Variants in TAT observed in about 807,000 individuals in gnomAD.
TAT encodes L-tyrosine:2-oxoglutarate aminotransferase.
A neutral mutation model predicts 53.6 loss-of-function variants in TAT; 35 were observed. The observed-to-expected ratio is 0.65, with a 90% CI of 0.50 to 0.87. The LOEUF is 0.87. Ranked by LOEUF, TAT falls within the 40% of genes least tolerant of loss-of-function variation. TAT has a pLI of 0.00. For missense variants in TAT, 525 were observed against 571.8 expected (o/e 0.92, Z 0.83); for synonymous variants, 197 against 206.5 (o/e 0.95, Z 0.39).
intron 3 of TAT, chr16:71,575,555 A>G (rs1367973440): frequency 2.8e-6 from 1 of 355,310 alleles, no homozygotes; most frequent in East Asian, 7.0e-5. Flanking sequence ...CTATATACAC[A>G]GAGCAATAAG....
rs2044166119 is a variant in TAT at position 71,566,850 on chromosome 16, T to C, written c.*1294A>G. ...AAAAAAACACATCACAGAAGAGCCA[T>C]ACTTGGTGAAATTTATTAAAAAAAA... On this transcript the variant is annotated 3_prime_UTR_variant, in exon 12 of 12. Coordinates refer to ENST00000355962, the MANE Select transcript of TAT (RefSeq NM_000353.3). 1 of 150,476 alleles carries C rather than the reference T, an allele frequency of 6.6e-6. No homozygotes were observed. The highest frequency in any genetic ancestry group is 6.6e-5 in the Admixed American group (1 of 15,104). 9.3% of individuals were successfully genotyped at this position (150,476 alleles called of 1,614,324 possible). A position where few individuals can be genotyped will look rare whatever the true frequency, so the allele number is the denominator to read the frequency against.
chr16:71,568,372 G>A (rs2044178650), intron 11 of TAT, 88 bp from the exon 12 acceptor site: 1 of 1,366,320 alleles, frequency 7.3e-7, no homozygotes, highest in Admixed American at 1.8e-5. Context: ...TCCACAAGAA[G>A]TGGTACCATT....
intron 3 of TAT, 121 bp downstream of exon 3, chr16:71,575,801 T>C: frequency 1.8e-6 from 2 of 1,091,040 alleles, no homozygotes; most frequent in South Asian, 2.5e-5. Context: ...CCATGTAATC[T>C]TAGCCTCTCC....
At chr16:71,571,311 T>C (rs764317636) in intron 7 of TAT, among the ~76,000 whole-genome samples, 32 of 152,150 alleles carry the variant, frequency 2.1e-4, no homozygotes, top group Non-Finnish European at 4.0e-4. Context: ...TCTGCCATTT[T>C]CCCCACACTC....
chr16:71,570,447 C>T (rs921969192), intron 8 of TAT, 50 bp from the exon 9 acceptor site: 4 of 1,614,104 alleles, frequency 2.5e-6, no homozygotes, highest in Non-Finnish European at 3.4e-6. Flanking sequence ...TTAAGCATCT[C>T]TGTCTTAGAG....
At position 71,572,651 on chromosome 16, in the gene TAT, T is replaced by G. The variant is rs942576264; in HGVS notation, c.446A>C (p.Asp149Ala). 4 of 1,613,940 alleles carry G rather than the reference T, an allele frequency of 2.5e-6. No individual in the cohort carries two copies. The highest frequency in any genetic ancestry group is 2.5e-6 in the Non-Finnish European group (3 of 1,180,020). Residue 149 changes from aspartate (D) to alanine (A), a missense_variant, in exon 5 of 12, where the codon GAC becomes GCC. Coordinates refer to ENST00000355962, the MANE Select transcript of TAT (RefSeq NM_000353.3). ...ILTSGCSQAI[D>A]LCLAVLANPG... ...GTTGGCCAACACAGCTAAACAAAGG[T>G]CAATAGCTTGGCTGCAGCCACTTGT...
Position 71,572,523 on chromosome 16 carries a change from C to A in TAT, c.567+7G>T. On this transcript the variant is annotated splice_region_variant and intron_variant, in intron 5 of 11. Transcript: ENST00000355962. The stretch of plus-strand genomic sequence containing the variant: ...GCATTTGAGTCTAAGATTAAAAAGT[C>A]ATTTACCAACAAATTGTAGAGTTTG... The A allele has an allele frequency of 6.2e-7, 1 of 1,614,142 alleles. No homozygotes were observed. The highest frequency in any genetic ancestry group is 8.5e-7 in the Non-Finnish European group (1 of 1,180,026).
At chr16:71,571,841 T>C (rs970690277) in intron 6 of TAT, among the ~76,000 whole-genome samples, 183 bp from the exon 7 acceptor site, 1 of 152,258 alleles carries the variant, frequency 6.6e-6, no homozygotes, top group Non-Finnish European at 1.5e-5. Context: ...TCTTCCTATT[T>C]AAGAACTGTA....
At chr16:71,571,457 G>C in intron 7 of TAT, 149 bp downstream of exon 7, 1 of 701,064 alleles carries the variant, frequency 1.4e-6, no homozygotes, top group Non-Finnish European at 2.4e-6. Context: ...ACTGGCTAAG[G>C]AGTTGTGGGT....
chr16:71,567,747 T>TAG lies in TAT; in HGVS notation c.*395_*396dup, dbSNP rs146280073. The TAG allele has an allele frequency of 0.021, 6,348 of 308,026 alleles. 391 individuals are homozygous for TAG. The highest frequency in any genetic ancestry group is 0.13 in the African/African-American group (5,915 of 46,116). The allele number at this position is 308,026 out of a possible 1,614,324, so 19.1% of individuals were successfully genotyped here. ...TGCCTGGAGAGAGCGTGTTCTTTCTTAGAGTCTGAGGAAATGGTTGGGGGC... is the reference window on the plus strand; with the variant it reads ...TGCCTGGAGAGAGCGTGTTCTTTCTTAGAGAGTCTGAGGAAATGGTTGGGGGC... On this transcript the variant is annotated 3_prime_UTR_variant, in exon 12 of 12. Coordinates refer to ENST00000355962, the MANE Select transcript of TAT (RefSeq NM_000353.3).
chr16:71,567,925 C>T lies in TAT; in HGVS notation c.*219G>A, dbSNP rs183020305. 3.4e-4 allele frequency: 201 copies of T among 595,796 alleles called. No homozygotes were observed. The East Asian group carries it at 5.3e-3, about 16-fold the overall frequency. 36.9% of individuals were successfully genotyped at this position (595,796 alleles called of 1,614,324 possible). On this transcript the variant is annotated 3_prime_UTR_variant, in exon 12 of 12. Transcript: ENST00000355962. ...GGCAGATTAATGAATTAGTGAGTCA[C>T]TCTAGCAGCGCAGAGCAAGGGAGAA... is the stretch of plus-strand genomic sequence containing the variant.
rs2044196866 is a variant in TAT at position 71,570,687 on chromosome 16, C to A, written c.904G>T (p.Gly302Cys). 1.2e-6 allele frequency: 2 copies of A among 1,614,040 alleles called. No individual in the cohort carries two copies. Among genetic ancestry groups the A allele is most frequent in the South Asian group, 2.2e-5 (2 of 91,084 alleles). ...TTTCACCATATTATCACCTCATTGCCAAAAATGTCTCTTCGGTCATGAATG... is the reference window on the plus strand; with the variant it reads ...TTTCACCATATTATCACCTCATTGCAAAAAATGTCTCTTCGGTCATGAATG... ...ILIHDRRDIF[G>C]NEIRDGLVKL... The change falls in exon 8 of 12, where the codon GGC becomes TGC. Residue 302 changes from glycine (G) to cysteine (C), a missense_variant. By Grantham distance (159) the Gly-to-Cys change is radical. Coordinates refer to ENST00000355962, the MANE Select transcript of TAT (RefSeq NM_000353.3).
intron 1 of TAT, among the ~76,000 whole-genome samples, 166 bp from the exon 2 acceptor site, chr16:71,576,593 G>A (rs1384144027): frequency 2.0e-5 from 3 of 152,026 alleles, no homozygotes; most frequent in Non-Finnish European, 2.9e-5. Flanking sequence ...ACTATGAATG[G>A]GGGAGTTTTA....
chr16:71,575,825 A>T, intron 3 of TAT, 97 bp downstream of exon 3: 1 of 1,240,438 alleles, frequency 8.1e-7, no homozygotes, highest in South Asian at 1.2e-5. Flanking sequence ...GGAATTGTGC[A>T]TCAGGAAAGT....
intron 3 of TAT, among the ~76,000 whole-genome samples, chr16:71,574,551 G>A (rs1257343130): frequency 4.6e-5 from 6 of 129,620 alleles, no homozygotes; most frequent in Non-Finnish European, 9.3e-5. Context: ...ACTGCACTCC[G>A]CCTGGGCAAC....
Position 71,568,102 on chromosome 16 carries a change from C to G in TAT, c.*42G>C. ...GAGGAGCCGCAAGGCCTAGTCCAGCCTTCCCTAGATGGGACACATCCTCAG... is the reference window on the plus strand; with the variant it reads ...GAGGAGCCGCAAGGCCTAGTCCAGCGTTCCCTAGATGGGACACATCCTCAG... On this transcript the variant is annotated 3_prime_UTR_variant, in exon 12 of 12. Transcript: ENST00000355962. 5 of 1,613,984 alleles carry G rather than the reference C, an allele frequency of 3.1e-6. No homozygotes were observed. Among genetic ancestry groups the G allele is most frequent in the African/African-American group, 2.7e-5 (2 of 75,052 alleles).
chr16:71,575,757 A>G (rs2044230548), intron 3 of TAT, 165 bp downstream of exon 3: 1 of 745,952 alleles, frequency 1.3e-6, no homozygotes. Context: ...CTTGTATTTA[A>G]GCATCCCGAG....
chr16:71,570,925 G>A lies in TAT; in HGVS notation c.760-94C>T, dbSNP rs1200897575. 5 of 1,475,942 alleles carry A rather than the reference G, an allele frequency of 3.4e-6. No homozygotes were observed. In the African/African-American group the frequency reaches 7.0e-5, roughly 21 times the overall value. The allele number at this position is 1,475,942 out of a possible 1,614,324, so 91.4% of individuals were successfully genotyped here. On this transcript the variant is annotated intron_variant, in intron 7 of 11. Coordinates refer to ENST00000355962, the MANE Select transcript of TAT (RefSeq NM_000353.3). ...CCCACCCATTTCCTTCTATCACTAGGGACAGGTCCTTGGATTAATGGGATC... is the reference window on the plus strand; with the variant it reads ...CCCACCCATTTCCTTCTATCACTAGAGACAGGTCCTTGGATTAATGGGATC...
At chr16:71,572,486 G>T (rs371581782) in intron 5 of TAT, 44 bp downstream of exon 5, 4 of 1,613,170 alleles carry the variant, frequency 2.5e-6, no homozygotes, top group Non-Finnish European at 3.4e-6. Flanking sequence ...TTTTTTACAG[G>T]TTAGTAACTG....
Sources: gnomAD v4.1 joint callset for allele counts (sites outside exome capture counted in the v4.1 genomes callset) on GRCh38, gnomAD v4.1.1 for gene constraint, MANE v1.5 for transcripts, NCBI Gene and HGNC (gene_info 2026-07-23, HGNC 2026-07-21) for gene names.